Variants in GAP43 observed in about 807,000 individuals in gnomAD.
The protein encoded by GAP43 is neuromodulin.
A neutral mutation model predicts 18.6 loss-of-function variants in GAP43; 6 were observed. The ratio of observed to expected loss-of-function variants is 0.32; its 90% CI spans 0.18 to 0.64. The LOEUF (loss-of-function observed/expected upper bound fraction) is 0.64, where lower values mean the gene tolerates loss of function less well. GAP43 is among the 30% of genes least tolerant of loss of function. GAP43 has a pLI of 0.78. For missense variants in GAP43, 292 were observed against 295.5 expected (o/e 0.99, Z 0.09); for synonymous variants, 115 against 111.4 (o/e 1.03, Z -0.20).
Position 115,676,490 on chromosome 3 carries a change from G to A in GAP43, c.508G>A (p.Val170Met). Residue 170 changes from valine to methionine, a missense_variant, in exon 2 of 3, where the codon GTG becomes ATG. Transcript: ENST00000305124. ...PAKEEPKQAD[V>M]PAAVTAAAAT... ...CAAGGAGGAGCCTAAACAAGCCGAT[G>A]TGCCTGCTGCTGTCACTGCTGCTGC... 1 of 1,614,134 alleles carries A rather than the reference G, an allele frequency of 6.2e-7. No homozygotes were observed. The highest frequency in any genetic ancestry group is 8.5e-7 in the Non-Finnish European group (1 of 1,180,030).
intron 2 of GAP43, among the ~76,000 whole-genome samples, chr3:115,703,166 A>AAATAACAGTGTTAT (rs1391930379): frequency 1.3e-5 from 2 of 152,148 alleles, no homozygotes; most frequent in African/African-American, 4.8e-5. Context: ...GAAATCAAGG[A>AAATAACAGTGTTAT]GAACACTGTT....
chr3:115,623,723 G>C lies in GAP43; in HGVS notation c.30+4G>C. On this transcript the variant is annotated splice_donor_region_variant and intron_variant, in intron 1 of 2. Transcript: ENST00000305124. ...CTGTATGAGAAGAACCAAACAGGTA[G>C]AGCTAAAGATTTTTTACTTCTTGCT... The C allele has an allele frequency of 6.2e-7, 1 of 1,614,164 alleles. No homozygotes were observed. The highest frequency in any genetic ancestry group is 2.2e-5 in the East Asian group (1 of 44,886).
chr3:115,676,333 T>C lies in GAP43; in HGVS notation c.351T>C (p.Asp117=). The C allele has an allele frequency of 6.2e-7, 1 of 1,614,072 alleles. No individual in the cohort carries two copies. Residue 117 remains aspartate (D), a synonymous_variant, in exon 2 of 3, where the codon GAT becomes GAC. Transcript: ENST00000305124. Reference sequence around the variant, plus strand: ...CCGAGGAGAAGAAGGGGGAGGGTGATGCTGCCACAGAGCAGGCAGCCCCCC... The same window carrying C: ...CCGAGGAGAAGAAGGGGGAGGGTGACGCTGCCACAGAGCAGGCAGCCCCCC... ...TPSEEKKGEG[D]AATEQAAPQA... is the part of the protein sequence containing the mutation.
intron 2 of GAP43, among the ~76,000 whole-genome samples, chr3:115,697,406 G>A (rs1576997956): frequency 6.6e-6 from 1 of 152,094 alleles, no homozygotes; most frequent in South Asian, 2.1e-4. Context: ...TTTCCTCACC[G>A]TCCTTTGTCC....
chr3:115,671,399 T>C (rs922493570), intron 1 of GAP43, among the ~76,000 whole-genome samples: 2 of 152,228 alleles, frequency 1.3e-5, no homozygotes, highest in Non-Finnish European at 2.9e-5. Context: ...AACAAGTTAG[T>C]GTAATGGTAC....
intron 1 of GAP43, among the ~76,000 whole-genome samples, chr3:115,650,736 A>T (rs1708511174): frequency 6.6e-6 from 1 of 151,208 alleles, no homozygotes; most frequent in Non-Finnish European, 1.5e-5. Flanking sequence ...TATAATTTTT[A>T]AAATCATACT....
chr3:115,671,550 A>G (rs1708815404), intron 1 of GAP43, among the ~76,000 whole-genome samples: 1 of 152,230 alleles, frequency 6.6e-6, no homozygotes, highest in South Asian at 2.1e-4. Context: ...ATATTAAGCC[A>G]TAACAATAAA....
chr3:115,668,938 G>A (rs1708772702), intron 1 of GAP43, among the ~76,000 whole-genome samples: 1 of 151,924 alleles, frequency 6.6e-6, no homozygotes, highest in Non-Finnish European at 1.5e-5. Flanking sequence ...AGCTATTTGA[G>A]AGACTGAAGT....
intron 2 of GAP43, among the ~76,000 whole-genome samples, chr3:115,697,229 TA>T (rs1709204735): frequency 6.6e-6 from 1 of 152,028 alleles, no homozygotes; most frequent in African/African-American, 2.4e-5. Flanking sequence ...GAAGACAGGG[TA>T]TTTTTTGTTT....
At chr3:115,715,538 G>A (rs1398242925) in intron 2 of GAP43, among the ~76,000 whole-genome samples, 1 of 152,194 alleles carries the variant, frequency 6.6e-6, no homozygotes, top group Non-Finnish European at 1.5e-5. Flanking sequence ...TACTCTAAAT[G>A]GAACATGGTA....
chr3:115,695,279 T>G (rs1709170415), intron 2 of GAP43, among the ~76,000 whole-genome samples: 1 of 152,188 alleles, frequency 6.6e-6, no homozygotes, highest in Non-Finnish European at 1.5e-5. Context: ...CTTGAGGTGG[T>G]TCAATGCAAG....
rs746720817 is a variant in GAP43 at position 115,676,484 on chromosome 3, G to A, written c.502G>A (p.Ala168Thr). 2.9e-5 allele frequency: 46 copies of A among 1,613,978 alleles called. No homozygotes were observed. Among genetic ancestry groups the A allele is most frequent in the Admixed American group, 2.3e-4 (14 of 60,002 alleles). Reference sequence around the variant, plus strand: ...CCCAGCCAAGGAGGAGCCTAAACAAGCCGATGTGCCTGCTGCTGTCACTGC... The same window carrying A: ...CCCAGCCAAGGAGGAGCCTAAACAAACCGATGTGCCTGCTGCTGTCACTGC... ...DAPAKEEPKQ[A>T]DVPAAVTAAA... Residue 168 changes from alanine to threonine, a missense_variant, in exon 2 of 3, where the codon GCC becomes ACC. By Grantham distance (58) the Ala-to-Thr change is moderately conservative. Transcript: ENST00000305124.
rs765628106 is a variant in GAP43 at position 115,659,667 on chromosome 3, T to TTAG, written c.31-16345_31-16343dup. Among the ~76,000 whole-genome samples, 113 of 152,252 alleles carry TTAG rather than the reference T, an allele frequency of 7.4e-4. No homozygotes were observed. The Middle Eastern group carries it at 0.02, about 27-fold the overall frequency. Reference sequence around the variant, plus strand: ...GGCAAGGTGTCAGGCAGCAAGCTTCTTAGGGTCAGAATGGGTCCCCATCCC... The same window carrying TTAG: ...GGCAAGGTGTCAGGCAGCAAGCTTCTTAGTAGGGTCAGAATGGGTCCCCATCCC... On this transcript the variant is annotated intron_variant, in intron 1 of 2. Transcript: ENST00000305124.
intron 1 of GAP43, among the ~76,000 whole-genome samples, chr3:115,634,159 G>C (rs1047234207): frequency 2.0e-5 from 3 of 152,074 alleles, no homozygotes; most frequent in African/African-American, 7.2e-5. Flanking sequence ...AGAGCTAGAT[G>C]AGGCAAAGAA....
chr3:115,719,281 A>G (rs1049530826), intron 2 of GAP43, among the ~76,000 whole-genome samples: 1 of 151,336 alleles, frequency 6.6e-6, no homozygotes, highest in East Asian at 1.9e-4. Context: ...AAAAAAAAAC[A>G]GTTAATACAG....
At chr3:115,647,351 T>C (rs767970881) in intron 1 of GAP43, among the ~76,000 whole-genome samples, 4 of 152,090 alleles carry the variant, frequency 2.6e-5, no homozygotes, top group Non-Finnish European at 4.4e-5. Flanking sequence ...AGTTTATGTT[T>C]ATTTTGTTTT....
Position 115,707,381 on chromosome 3 carries a change from C to T in GAP43, c.629-13413C>T, listed in dbSNP as rs545604802. On this transcript the variant is annotated intron_variant, in intron 2 of 2. Coordinates refer to ENST00000305124, the MANE Select transcript of GAP43 (RefSeq NM_002045.4). ...AGTGGCTCACTGCAGCCTTGACCTC[C>T]CAGGCTCAAGTGATCCTCTCACCTC... Among the ~76,000 whole-genome samples, 4 of 152,220 alleles carry T rather than the reference C, an allele frequency of 2.6e-5. No individual in the cohort carries two copies. In the South Asian group the frequency reaches 8.3e-4, roughly 32 times the overall value.
At chr3:115,693,593 T>C (rs559716684) in intron 2 of GAP43, among the ~76,000 whole-genome samples, 35 of 152,300 alleles carry the variant, frequency 2.3e-4, no homozygotes, top group African/African-American at 7.5e-4. Flanking sequence ...TGGTGTTAAA[T>C]TCAATTTAGA....
chr3:115,694,127 T>C (rs1376192482), intron 2 of GAP43, among the ~76,000 whole-genome samples: 1 of 152,102 alleles, frequency 6.6e-6, no homozygotes, highest in Non-Finnish European at 1.5e-5. Context: ...GGGGGAGCAG[T>C]CATTCAGGAG....
Sources: gnomAD v4.1 joint callset for allele counts (sites outside exome capture counted in the v4.1 genomes callset) on GRCh38, gnomAD v4.1.1 for gene constraint, MANE v1.5 for transcripts, NCBI Gene and HGNC (gene_info 2026-07-23, HGNC 2026-07-21) for gene names.